Variants in BAZ2B observed in about 807,000 individuals in gnomAD.
The protein encoded by BAZ2B is bromodomain adjacent to zinc finger domain protein 2B.
A neutral mutation model predicts 246.0 loss-of-function variants in BAZ2B; 91 were observed. The ratio of observed to expected loss-of-function variants is 0.37; its 90% confidence interval spans 0.31 to 0.44. The LOEUF is 0.44. BAZ2B is among the 20% of genes least tolerant of loss of function. The probability of loss-of-function intolerance (pLI) is 1.00; values close to 1 mark genes in which losing one functional copy is unlikely to be tolerated. For missense variants in BAZ2B, 2,332 were observed against 2,533.7 expected, an observed-to-expected ratio of 0.92 and a Z score of 1.71; for synonymous variants, 855 against 860.0, an observed-to-expected ratio of 0.99 and a Z score of 0.10.
chr2:159,514,919 T>C (rs2083278782), intron 2 of BAZ2B, among the ~76,000 whole-genome samples: 1 of 152,154 alleles, frequency 6.6e-6, no homozygotes, highest in Non-Finnish European at 1.5e-5. Context: ...ACTTAACCTT[T>C]AGAATCTCCT....
At chr2:159,550,623 TATCA>T (rs2088047045) in intron 2 of BAZ2B, among the ~76,000 whole-genome samples, 1 of 152,112 alleles carries the variant, frequency 6.6e-6, no homozygotes, top group African/African-American at 2.4e-5. Context: ...TAGGGACAAC[TATCA>T]ATCATGCCAT....
At chr2:159,448,520 CA>C (rs2074577827) in intron 4 of BAZ2B, 111 bp from the exon 5 acceptor site, 1 of 1,261,444 alleles carries the variant, frequency 7.9e-7, no homozygotes, top group Admixed American at 3.1e-5. Context: ...CATCTTGGAA[CA>C]AAACTGAATT....
At chr2:159,507,903 C>G (rs1221816477) in intron 2 of BAZ2B, among the ~76,000 whole-genome samples, 1 of 152,110 alleles carries the variant, frequency 6.6e-6, no homozygotes, top group Non-Finnish European at 1.5e-5. Flanking sequence ...TAGAGTCTCC[C>G]TCTGTCGCCC....
At chr2:159,376,355 C>T (rs111932813) in intron 25 of BAZ2B, among the ~76,000 whole-genome samples, 1 of 152,060 alleles carries the variant, frequency 6.6e-6, no homozygotes, top group African/African-American at 2.4e-5. Context: ...CTGTCACCAA[C>T]CACACACAAA....
At chr2:159,316,689 CAAAAAAAAAA>C (rs765748671), downstream of BAZ2B, among the ~76,000 whole-genome samples, 31 of 36,260 alleles carry the variant, frequency 8.5e-4, no homozygotes, top group African/African-American at 2.7e-3. Flanking sequence ...GACTCCATCT[CAAAAAAAAAA>C]AAAAAAAAAA....
At chr2:159,438,237 A>T in intron 8 of BAZ2B, 66 bp downstream of exon 8, 1 of 1,377,668 alleles carries the variant, frequency 7.3e-7, no homozygotes, top group Non-Finnish European at 9.9e-7. Flanking sequence ...TGTGTATTGT[A>T]AGACAATATA....
chr2:159,705,035 C>T, the BAZ2B span, among the ~76,000 whole-genome samples: 1 of 143,602 alleles, frequency 7.0e-6, no homozygotes, highest in Non-Finnish European at 1.5e-5. Flanking sequence ...TTTTTGGAGA[C>T]AGGGTCTTGC....
chr2:159,378,565 T>C (rs1355040398), intron 25 of BAZ2B, among the ~76,000 whole-genome samples: 4 of 151,858 alleles, frequency 2.6e-5, no homozygotes, highest in East Asian at 1.9e-4. Context: ...TGATAAGGGG[T>C]TAATATCTAA....
chr2:159,462,515 C>A (rs1451472945), intron 3 of BAZ2B: 4 of 976,028 alleles, frequency 4.1e-6, no homozygotes, highest in Non-Finnish European at 6.7e-6. Context: ...CATTGTTTGA[C>A]AGTTTTCACT....
At chr2:159,505,161 AAC>A (rs1176366182) in intron 2 of BAZ2B, among the ~76,000 whole-genome samples, 1 of 152,230 alleles carries the variant, frequency 6.6e-6, no homozygotes, top group African/African-American at 2.4e-5. Context: ...TAATTTAGAA[AAC>A]AGTGAAGCAA....
At chr2:159,443,685 C>T (rs1193766590) in intron 6 of BAZ2B, among the ~76,000 whole-genome samples, 1 of 152,060 alleles carries the variant, frequency 6.6e-6, no homozygotes, top group African/African-American at 2.4e-5. Flanking sequence ...AATAGACAAT[C>T]TCTCTATAAT....
At chr2:159,578,272 A>G (rs1242585871) in intron 1 of BAZ2B, among the ~76,000 whole-genome samples, 1 of 152,244 alleles carries the variant, frequency 6.6e-6, no homozygotes, top group East Asian at 1.9e-4. Context: ...AAGAGCTTCA[A>G]ATACTTTTAA....
intron 1 of BAZ2B, among the ~76,000 whole-genome samples, chr2:159,599,778 T>C (rs1295519973): frequency 6.7e-6 from 1 of 149,654 alleles, no homozygotes; most frequent in South Asian, 2.1e-4. Context: ...CTACTAAAAA[T>C]ACAAAAAATT....
At chr2:159,619,439 T>C (rs1696342562), upstream of BAZ2B, among the ~76,000 whole-genome samples, 1 of 151,706 alleles carries the variant, frequency 6.6e-6, no homozygotes, top group Non-Finnish European at 1.5e-5. Flanking sequence ...ACATTCCCAA[T>C]GGTGAAGTTA....
At chr2:159,484,163 T>C (rs767405818) in intron 2 of BAZ2B, among the ~76,000 whole-genome samples, 24 of 152,312 alleles carry the variant, frequency 1.6e-4, no homozygotes, top group Non-Finnish European at 2.6e-4. Context: ...CCTACAGAAT[T>C]ATCCAAACTA....
chr2:159,378,236 C>G (rs2149465206), intron 25 of BAZ2B, among the ~76,000 whole-genome samples: 2 of 152,294 alleles, frequency 1.3e-5, no homozygotes, highest in Middle Eastern at 6.8e-3. Flanking sequence ...ACTTCTGATA[C>G]TCAAATTATA....
chr2:159,513,878 C>T (rs1577980673), intron 2 of BAZ2B, among the ~76,000 whole-genome samples: 3 of 152,240 alleles, frequency 2.0e-5, no homozygotes, highest in South Asian at 4.2e-4. Context: ...CCCACTCACT[C>T]ATTTCCTTTG....
chr2:159,357,060 C>T (rs2059192370), intron 27 of BAZ2B, among the ~76,000 whole-genome samples: 2 of 152,162 alleles, frequency 1.3e-5, no homozygotes, highest in Admixed American at 1.3e-4. Flanking sequence ...AACCAGAATG[C>T]CTCTTCTCCT....
At chr2:159,692,230 C>G in the BAZ2B span, among the ~76,000 whole-genome samples, 1 of 152,152 alleles carries the variant, frequency 6.6e-6, no homozygotes, top group Middle Eastern at 3.4e-3. Flanking sequence ...TCTCAGCTCA[C>G]GGTAACCTCT....
Sources: gnomAD v4.1 joint callset for allele counts (sites outside exome capture counted in the v4.1 genomes callset) on GRCh38, gnomAD v4.1.1 for gene constraint, MANE v1.5 for transcripts, NCBI Gene and HGNC (gene_info 2026-07-23, HGNC 2026-07-21) for gene names.